The following DNAH6 variants were observed in gnomAD, a reference collection of about 807,000 sequenced individuals.
DNAH6 encodes dynein axonemal heavy chain 6.
A neutral mutation model predicts 491.4 loss-of-function variants in DNAH6; 340 were observed. The observed-to-expected ratio is 0.69, with a 90% CI of 0.63 to 0.76. The LOEUF is 0.76. DNAH6 is among the 30% of genes least tolerant of loss of function. DNAH6 has a pLI of 0.00. For synonymous variants in DNAH6, 1,603 were observed against 1,686.1 expected (o/e 0.95, Z 1.21); for missense variants, 4,443 against 4,972.2 (o/e 0.89, Z 3.20).
At chr2:84,781,393 T>G in intron 64 of DNAH6, 100 bp from the exon 65 acceptor site, 1 of 995,420 alleles carries the variant, frequency 1.0e-6, no homozygotes, top group Non-Finnish European at 1.4e-6. Context: ...TCAAAATGTT[T>G]ATATATCCTA....
chr2:84,464,873 G>T, the DNAH6 span, among the ~76,000 whole-genome samples: 1 of 152,108 alleles, frequency 6.6e-6, no homozygotes, highest in Non-Finnish European at 1.5e-5. Context: ...TGCCTTAAGT[G>T]TCTGGGAATG....
intron 35 of DNAH6, among the ~76,000 whole-genome samples, chr2:84,657,693 T>A (rs1691108503): frequency 6.6e-6 from 1 of 152,032 alleles, no homozygotes; most frequent in African/African-American, 2.4e-5. Context: ...ACCTATGAGT[T>A]CCAGTTTTAT....
At chr2:84,480,076 A>C in the DNAH6 span, among the ~76,000 whole-genome samples, 2 of 152,216 alleles carry the variant, frequency 1.3e-5, no homozygotes, top group Admixed American at 1.3e-4. Context: ...TTGTCTAACA[A>C]GCCCACCAAA....
chr2:84,705,428 C>A (rs1696335978), intron 51 of DNAH6, 58 bp from the exon 52 acceptor site: 27 of 1,387,772 alleles, frequency 1.9e-5, no homozygotes, highest in East Asian at 2.5e-5. Flanking sequence ...GAAATACATT[C>A]TTTTGTTCTT....
At chr2:84,643,267 GT>G (rs35760974) in intron 33 of DNAH6, among the ~76,000 whole-genome samples, 15,407 of 147,694 alleles carry the variant, frequency 0.1, 979 homozygotes, top group Non-Finnish European at 0.14. Context: ...GTAAAGTGGG[GT>G]TTTTTTTTTC....
At chr2:84,697,168 T>G (rs555320499) in intron 46 of DNAH6, among the ~76,000 whole-genome samples, 1 of 152,316 alleles carries the variant, frequency 6.6e-6, no homozygotes, top group South Asian at 2.1e-4. Context: ...AAAATTGTTC[T>G]TATAATGTAA....
At chr2:84,491,297 G>A in the DNAH6 span, among the ~76,000 whole-genome samples, 100 of 152,248 alleles carry the variant, frequency 6.6e-4, 1 homozygote, top group African/African-American at 2.3e-3. Context: ...ACTTTGGTTC[G>A]TATGGCAGAC....
intron 40 of DNAH6, among the ~76,000 whole-genome samples, chr2:84,674,338 C>A (rs971324640): frequency 2.0e-5 from 3 of 152,222 alleles, no homozygotes; most frequent in East Asian, 1.9e-4. Context: ...TTCCTCCCTG[C>A]CCCCATTGCT....
intron 3 of DNAH6, among the ~76,000 whole-genome samples, chr2:84,527,394 C>G (rs1676701180): frequency 6.6e-6 from 1 of 152,148 alleles, no homozygotes; most frequent in East Asian, 1.9e-4. Flanking sequence ...CACTGAGTTA[C>G]ATAATGAGAA....
At chr2:84,815,590 T>C (rs763647709) in intron 75 of DNAH6, among the ~76,000 whole-genome samples, 5 of 152,168 alleles carry the variant, frequency 3.3e-5, no homozygotes, top group Admixed American at 6.5e-5. Context: ...TAGGAGGGCA[T>C]CCAAATCCTT....
At chr2:84,753,755 T>TAAAAAAAAAAAAAAAAAA (rs1162541312) in intron 63 of DNAH6, among the ~76,000 whole-genome samples, 7 of 77,144 alleles carry the variant, frequency 9.1e-5, no homozygotes, top group South Asian at 5.0e-4. Context: ...GAAACTCTGT[T>TAAAAAAAAAAAAAAAAAA]AAAAAAAAAA....
chr2:84,816,072 T>A lies in DNAH6; in HGVS notation c.12362T>A (p.Leu4121His), dbSNP rs1454245943. Residue 4121 changes from leucine to histidine, a missense_variant, in exon 76 of 77, where the codon CTC becomes CAC. This residue lies in a region of DNAH6 where 1,463 missense variants were observed against 1,656.6 expected (regional missense o/e 0.88). Coordinates refer to ENST00000389394, the MANE Select transcript of DNAH6 (RefSeq NM_001370.2). ...AAAACAGGAGCCCGGGCAGGAACAC[T>A]CTCAACCACAGGTGAGGATGTTCTT... The part of the protein sequence containing the change: ...LYKTGARAGT[L>H]STTGHSTNFV... The A allele has an allele frequency of 1.9e-6, 3 of 1,549,940 alleles. No individual in the cohort carries two copies. The Admixed American group carries it at 5.9e-5, about 30-fold the overall frequency.
At chr2:84,674,671 T>C (rs1426926891) in intron 40 of DNAH6, among the ~76,000 whole-genome samples, 1 of 152,160 alleles carries the variant, frequency 6.6e-6, no homozygotes, top group Admixed American at 6.5e-5. Context: ...CCAAATAAGT[T>C]TATCTAACTT....
chr2:84,805,476 A>G (rs1679327659), intron 70 of DNAH6, among the ~76,000 whole-genome samples, 189 bp from the exon 71 acceptor site: 1 of 152,244 alleles, frequency 6.6e-6, no homozygotes, highest in African/African-American at 2.4e-5. Context: ...ATAGTCAGCA[A>G]TAATTACTGT....
At chr2:84,612,262 C>T (rs1686416728) in intron 22 of DNAH6, among the ~76,000 whole-genome samples, 1 of 150,242 alleles carries the variant, frequency 6.7e-6, no homozygotes, top group Non-Finnish European at 1.5e-5. Context: ...ATGTCCACAC[C>T]TTATTTTTAA....
At chr2:84,604,177 C>T (rs1685531424) in intron 18 of DNAH6, among the ~76,000 whole-genome samples, 162 bp from the exon 19 acceptor site, 1 of 152,154 alleles carries the variant, frequency 6.6e-6, no homozygotes, top group Non-Finnish European at 1.5e-5. Flanking sequence ...CTAATAGGCT[C>T]AATTAGAGTC....
At chr2:84,726,336 C>T (rs917274303) in intron 60 of DNAH6, among the ~76,000 whole-genome samples, 4 of 152,302 alleles carry the variant, frequency 2.6e-5, no homozygotes, top group Non-Finnish European at 5.9e-5. Context: ...AGACTGCAAA[C>T]ACATGCCCCT....
At chr2:84,537,959 A>G (rs775374256) in intron 4 of DNAH6, among the ~76,000 whole-genome samples, 2 of 152,098 alleles carry the variant, frequency 1.3e-5, no homozygotes, top group African/African-American at 2.4e-5. Context: ...CAACTATAGT[A>G]TATGCCAAAT....
At chr2:84,627,561 C>T (rs561322798) in intron 29 of DNAH6, among the ~76,000 whole-genome samples, 1 of 152,262 alleles carries the variant, frequency 6.6e-6, no homozygotes, top group South Asian at 2.1e-4. Context: ...TTTGCTTCCT[C>T]TCTGTCTGTG....
Sources: allele counts gnomAD v4.1 joint callset (sites outside exome capture counted in the v4.1 genomes callset), GRCh38; gene constraint gnomAD v4.1.1; regional missense constraint gnomAD v4.1.1; transcripts MANE v1.5; gene names NCBI Gene and HGNC (gene_info 2026-07-23, HGNC 2026-07-21).